The following RMP64 variants were observed in gnomAD, a reference collection of about 807,000 sequenced individuals.
RMP64 encodes the protein ribonuclease MRP subunit p64.
the RMP64 span, among the ~76,000 whole-genome samples, chr3:113,018,123 C>T: frequency 5.9e-5 from 9 of 152,184 alleles, no homozygotes; most frequent in African/African-American, 1.9e-4. Context: ...ACCACAGTAA[C>T]TGGAAATCGT....
the RMP64 span, chr3:113,003,993 T>G: frequency 6.6e-6 from 1 of 152,220 alleles, no homozygotes; most frequent in African/African-American, 2.4e-5. Flanking sequence ...CCAGTTCTCT[T>G]ACTAATTTAC....
the RMP64 span, among the ~76,000 whole-genome samples, chr3:113,018,130 T>C: frequency 3.9e-5 from 6 of 152,130 alleles, no homozygotes; most frequent in African/African-American, 1.4e-4. Flanking sequence ...TAACTGGAAA[T>C]CGTATTATTT....
At chr3:113,010,552 A>G in the RMP64 span, 3 of 1,063,814 alleles carry the variant, frequency 2.8e-6, no homozygotes, top group East Asian at 7.2e-5. Context: ...GCTGGGGATA[A>G]AATGAAAAGA....
the RMP64 span, chr3:113,006,025 A>G: frequency 1.3e-6 from 2 of 1,541,728 alleles, no homozygotes; most frequent in Admixed American, 1.9e-5. Flanking sequence ...CAGAGAGAGG[A>G]AAAATCTGGG....
At chr3:113,013,042 T>C in the RMP64 span, 1 of 620,630 alleles carries the variant, frequency 1.6e-6, no homozygotes, top group East Asian at 2.7e-5. Flanking sequence ...AGATTAAGAA[T>C]TTCTAGCTAT....
At chr3:113,011,549 G>A in the RMP64 span, 8 of 604,682 alleles carry the variant, frequency 1.3e-5, no homozygotes, top group Admixed American at 3.3e-5. Context: ...GCACACTTGC[G>A]AACAGCCAGA....
chr3:113,013,162 C>G, the RMP64 span: 1 of 1,194,020 alleles, frequency 8.4e-7, no homozygotes, highest in Non-Finnish European at 1.2e-6. Context: ...TTAAGAATTC[C>G]TGTAGGTTGT....
the RMP64 span, chr3:113,005,432 G>T: frequency 1.4e-6 from 1 of 713,898 alleles, no homozygotes; most frequent in Non-Finnish European, 2.4e-6. Flanking sequence ...CACTAAAGCA[G>T]CTCCTCTGTG....
the RMP64 span, chr3:113,013,025 G>A: frequency 3.3e-6 from 2 of 613,682 alleles, no homozygotes; most frequent in Non-Finnish European, 5.8e-6. Context: ...TTAAAGTTTA[G>A]TTTCTAAGAT....
chr3:113,014,219 G>A, the RMP64 span, among the ~76,000 whole-genome samples: 1 of 151,984 alleles, frequency 6.6e-6, no homozygotes, highest in Non-Finnish European at 1.5e-5. Flanking sequence ...TTACAAATTT[G>A]GAATTTATCC....
the RMP64 span, among the ~76,000 whole-genome samples, chr3:113,015,310 A>C: frequency 6.6e-6 from 1 of 152,216 alleles, no homozygotes; most frequent in Admixed American, 6.5e-5. Context: ...GGGACAAAAT[A>C]CATTGCCCTT....
chr3:113,010,706 T>C, the RMP64 span: 2 of 1,612,476 alleles, frequency 1.2e-6, no homozygotes, highest in Non-Finnish European at 1.7e-6. Flanking sequence ...ATGACTCTTC[T>C]GTGGAGGTGG....
At chr3:113,012,617 G>A in the RMP64 span, 2 of 606,594 alleles carry the variant, frequency 3.3e-6, no homozygotes, top group Non-Finnish European at 5.8e-6. Flanking sequence ...AACCAAGAAA[G>A]AGAATACCTG....
At chr3:113,011,340 T>C in the RMP64 span, 5 of 1,611,916 alleles carry the variant, frequency 3.1e-6, no homozygotes, top group African/African-American at 1.3e-5. Flanking sequence ...TAGCGACCTC[T>C]TGAAGCAATC....
At chr3:113,015,376 T>G in the RMP64 span, among the ~76,000 whole-genome samples, 1 of 152,204 alleles carries the variant, frequency 6.6e-6, no homozygotes, top group Non-Finnish European at 1.5e-5. Context: ...GCAGGTGGTG[T>G]TAAGTGCTAT....
the RMP64 span, chr3:113,017,632 T>G: frequency 1.3e-6 from 2 of 1,589,502 alleles, no homozygotes; most frequent in Non-Finnish European, 1.7e-6. Context: ...TAAGATTTAG[T>G]ATGTATTTCT....
chr3:113,002,932 G>C, the RMP64 span: 1 of 152,466 alleles, frequency 6.6e-6, no homozygotes, highest in Non-Finnish European at 1.5e-5. Context: ...GCAAGGTTCA[G>C]CCCTGCTTGA....
At chr3:113,006,976 CAG>C in the RMP64 span, among the ~76,000 whole-genome samples, 3 of 152,242 alleles carry the variant, frequency 2.0e-5, no homozygotes, top group Non-Finnish European at 2.9e-5. Flanking sequence ...AACAGCAAAA[CAG>C]GGCAATCTAT....
chr3:113,003,267 A>C, the RMP64 span: 4 of 152,182 alleles, frequency 2.6e-5, no homozygotes, highest in African/African-American at 4.8e-5. Context: ...GCTTGAGCCC[A>C]GGAGGTGGAG....
Sources: allele counts gnomAD v4.1 joint callset (sites outside exome capture counted in the v4.1 genomes callset), GRCh38; gene constraint gnomAD v4.1.1; transcripts MANE v1.5; gene names NCBI Gene and HGNC (gene_info 2026-07-23, HGNC 2026-07-21).